The following REDIC1 variants were observed in gnomAD, a reference collection of about 807,000 sequenced individuals.
REDIC1 encodes the protein regulator of DNA class I crossover intermediates 1.
chr12:39,711,318 A>T, the REDIC1 span, among the ~76,000 whole-genome samples: 1 of 145,406 alleles, frequency 6.9e-6, no homozygotes, highest in Non-Finnish European at 1.5e-5. Context: ...GTATATATCC[A>T]TATATGTATA....
At chr12:39,705,897 G>T in the REDIC1 span, among the ~76,000 whole-genome samples, 1 of 152,014 alleles carries the variant, frequency 6.6e-6, no homozygotes, top group Non-Finnish European at 1.5e-5. Flanking sequence ...CTAAGATATA[G>T]AACATGACAA....
chr12:39,896,052 A>G, the REDIC1 span, among the ~76,000 whole-genome samples: 4 of 137,166 alleles, frequency 2.9e-5, no homozygotes, highest in Non-Finnish European at 6.3e-5. Flanking sequence ...ATACGCATGT[A>G]TATATGCATA....
At chr12:39,711,544 T>C in the REDIC1 span, among the ~76,000 whole-genome samples, 28 of 92,394 alleles carry the variant, frequency 3.0e-4, no homozygotes, top group African/African-American at 8.3e-4. Context: ...TACATATATG[T>C]ATGTGCATAC....
chr12:39,684,583 A>T, the REDIC1 span, among the ~76,000 whole-genome samples: 1 of 152,198 alleles, frequency 6.6e-6, no homozygotes, highest in South Asian at 2.1e-4. Flanking sequence ...AAATCATGTT[A>T]GGCCTTGAGT....
At chr12:39,773,252 C>G in the REDIC1 span, among the ~76,000 whole-genome samples, 9 of 152,068 alleles carry the variant, frequency 5.9e-5, no homozygotes, top group Non-Finnish European at 1.2e-4. Flanking sequence ...CTGCAGTGGA[C>G]AAAGCAGCAG....
the REDIC1 span, among the ~76,000 whole-genome samples, chr12:39,712,382 A>ACGTATATACATACG: frequency 8.2e-4 from 102 of 124,860 alleles, no homozygotes; most frequent in African/African-American, 2.9e-3. Context: ...ATATATACCT[A>ACGTATATACATACG]TATATATACC....
At chr12:39,742,082 C>T in the REDIC1 span, among the ~76,000 whole-genome samples, 2,343 of 152,130 alleles carry the variant, frequency 0.015, 57 homozygotes, top group African/African-American at 0.051. Flanking sequence ...GAGGCATGTC[C>T]AACATCCCTT....
the REDIC1 span, among the ~76,000 whole-genome samples, chr12:39,709,919 A>G: frequency 6.6e-6 from 1 of 151,798 alleles, no homozygotes; most frequent in Admixed American, 6.6e-5. Context: ...TAGTTGCTGC[A>G]CCATTTTATA....
At chr12:39,830,378 G>A in the REDIC1 span, 13,947 of 1,408,286 alleles carry the variant, frequency 9.9e-3, 94 homozygotes, top group Non-Finnish European at 0.012. Context: ...AGTGACATGC[G>A]CTGAGCCAGG....
At chr12:39,827,406 T>C in the REDIC1 span, among the ~76,000 whole-genome samples, 1,620 of 152,302 alleles carry the variant, frequency 0.011, 16 homozygotes, top group Middle Eastern at 0.044. Flanking sequence ...AGAACCTGGA[T>C]AGTGCTTTGT....
At chr12:39,711,289 G>GTA in the REDIC1 span, among the ~76,000 whole-genome samples, 325 of 146,928 alleles carry the variant, frequency 2.2e-3, 2 homozygotes, top group Non-Finnish European at 2.5e-3. Flanking sequence ...CATATATAGT[G>GTA]TATATATAAC....
the REDIC1 span, among the ~76,000 whole-genome samples, chr12:39,840,985 A>T: frequency 6.6e-6 from 1 of 152,232 alleles, no homozygotes; most frequent in East Asian, 1.9e-4. Context: ...AGATAACAAG[A>T]TTGAAGCTTG....
chr12:39,880,045 C>CT, the REDIC1 span, among the ~76,000 whole-genome samples: 1 of 151,406 alleles, frequency 6.6e-6, no homozygotes, highest in Non-Finnish European at 1.5e-5. Flanking sequence ...TCACCCTGCA[C>CT]TCTCTCTCTC....
At chr12:39,747,355 G>A in the REDIC1 span, among the ~76,000 whole-genome samples, 1 of 152,234 alleles carries the variant, frequency 6.6e-6, no homozygotes, top group Non-Finnish European at 1.5e-5. Context: ...ATGAAATGAA[G>A]TGAGAAGAGA....
At chr12:39,650,305 C>A in the REDIC1 span, 1 of 1,611,162 alleles carries the variant, frequency 6.2e-7, no homozygotes, top group Admixed American at 1.7e-5. This position sits in a 1 kb window ranked among gnomAD's most constrained non-coding sequence, Gnocchi z 4.3. Flanking sequence ...TGTTTTCAGT[C>A]CATCACATAA....
chr12:39,897,960 T>C, the REDIC1 span, among the ~76,000 whole-genome samples: 2,829 of 152,256 alleles, frequency 0.019, 25 homozygotes, highest in Non-Finnish European at 0.03. Flanking sequence ...CATGTAAGTT[T>C]ATTATATGCT....
At chr12:39,834,764 A>C in the REDIC1 span, among the ~76,000 whole-genome samples, 292 of 152,158 alleles carry the variant, frequency 1.9e-3, no homozygotes, top group Non-Finnish European at 2.8e-3. Context: ...TTCATCCTTG[A>C]CCTGGAATTG....
At chr12:39,872,080 T>A in the REDIC1 span, 1 of 733,046 alleles carries the variant, frequency 1.4e-6, no homozygotes, top group Non-Finnish European at 2.0e-6. Context: ...AGTAATAACA[T>A]CAAATTAACG....
chr12:39,759,952 G>A, the REDIC1 span: 1 of 1,084,678 alleles, frequency 9.2e-7, no homozygotes, highest in South Asian at 1.4e-5. Flanking sequence ...TTAGAAGCAG[G>A]GCAGTGAAGT....
Sources: allele counts gnomAD v4.1 joint callset (sites outside exome capture counted in the v4.1 genomes callset), GRCh38; gene constraint gnomAD v4.1.1; non-coding constraint Gnocchi (gnomAD v3.1); transcripts MANE v1.5; gene names NCBI Gene and HGNC (gene_info 2026-07-23, HGNC 2026-07-21).